The following PDE1C variants were observed in gnomAD, a reference collection of about 807,000 sequenced individuals.
The protein encoded by PDE1C is dual specificity calcium/calmodulin-dependent 3',5'-cyclic nucleotide phosphodiesterase 1C.
In PDE1C, 62 loss-of-function variants were observed where a neutral mutation model predicts 93.1. That is an observed-to-expected ratio of 0.67 (90% CI 0.54 to 0.82). PDE1C has a LOEUF of 0.82. PDE1C is among the 40% of genes least tolerant of loss of function. The probability of loss-of-function intolerance (pLI) is 0.00; values close to 1 mark genes in which losing one functional copy is unlikely to be tolerated. For missense variants in PDE1C, 742 were observed against 884.6 expected, an observed-to-expected ratio of 0.84 and a Z score of 2.04; for synonymous variants, 325 against 310.1, an observed-to-expected ratio of 1.05 and a Z score of -0.50.
intron 1 of PDE1C, among the ~76,000 whole-genome samples, chr7:32,426,534 G>A (rs1785538662): frequency 6.6e-6 from 1 of 151,910 alleles, no homozygotes; most frequent in African/African-American, 2.4e-5. Flanking sequence ...CAAAGGGCTG[G>A]GATCACTGCA....
At chr7:31,727,175 A>C in the PDE1C span, among the ~76,000 whole-genome samples, 3 of 152,176 alleles carry the variant, frequency 2.0e-5, no homozygotes, top group African/African-American at 7.2e-5. Context: ...AAATTCTGTA[A>C]GTCCTTTCTA....
the PDE1C span, among the ~76,000 whole-genome samples, chr7:31,624,056 C>A: frequency 2.9e-4 from 43 of 149,102 alleles, no homozygotes; most frequent in Admixed American, 8.7e-4. Flanking sequence ...TAGGAATCCA[C>A]CTTACAAGGG....
chr7:32,021,286 C>G (rs1326319392), intron 2 of PDE1C, among the ~76,000 whole-genome samples: 1 of 152,128 alleles, frequency 6.6e-6, no homozygotes, highest in East Asian at 1.9e-4. Context: ...CTCTTGCAGA[C>G]TCTACATTTA....
rs76392977 is a variant in PDE1C, at chr7:32,143,919, C to T, written c.308+25866G>A. ...AAGTGCAATGATGTGTGTGACCCCA[C>T]GCTACAAGAGCACGCATTCTGCCCA... On this transcript the variant is annotated intron_variant, in intron 3 of 18. Transcript: ENST00000396193. Among the ~76,000 whole-genome samples the T allele has an allele frequency of 5.2e-3, 791 of 152,140 alleles. 6 individuals carry two copies. The highest frequency in any genetic ancestry group is 0.017 in the African/African-American group (710 of 41,528).
At chr7:32,130,266 A>C (rs1584818918) in intron 3 of PDE1C, among the ~76,000 whole-genome samples, 1 of 152,326 alleles carries the variant, frequency 6.6e-6, no homozygotes, top group Non-Finnish European at 1.5e-5. Flanking sequence ...AAAATGCCAC[A>C]GAGTTTTTTC....
At chr7:32,076,832 CCAATTTTTTTTAACTTAAA>C (rs1486831891) in intron 3 of PDE1C, among the ~76,000 whole-genome samples, 2 of 151,712 alleles carry the variant, frequency 1.3e-5, no homozygotes, top group African/African-American at 4.8e-5. Context: ...ATGTACCCCA[CCAATTTTTTTTAACTTAAA>C]CTAGTTTGAG....
chr7:32,330,001 C>T (rs796500721), intron 1 of PDE1C, among the ~76,000 whole-genome samples: 10 of 152,360 alleles, frequency 6.6e-5, no homozygotes, highest in African/African-American at 2.2e-4. Context: ...AGCAACTCAG[C>T]AGACGTTGCC....
intron 16 of PDE1C, among the ~76,000 whole-genome samples, chr7:31,792,752 A>T (rs1221685227): frequency 6.6e-6 from 1 of 152,108 alleles, no homozygotes; most frequent in Non-Finnish European, 1.5e-5. Context: ...CATCAGCAAG[A>T]CTACAAAGTA....
At chr7:31,828,007 C>A (rs1197852783) in intron 12 of PDE1C, among the ~76,000 whole-genome samples, 1 of 152,070 alleles carries the variant, frequency 6.6e-6, no homozygotes, top group Non-Finnish European at 1.5e-5. Flanking sequence ...GGGCTTCCTG[C>A]CAATGACACT....
intron 2 of PDE1C, among the ~76,000 whole-genome samples, chr7:31,924,859 C>T (rs937531178): frequency 1.3e-5 from 2 of 152,224 alleles, no homozygotes; most frequent in Non-Finnish European, 2.9e-5. Context: ...GCTTTCAATG[C>T]TGCTTCATTT....
chr7:32,063,963 C>A (rs1269192696), intron 1 of PDE1C, among the ~76,000 whole-genome samples: 1 of 152,180 alleles, frequency 6.6e-6, no homozygotes, highest in Non-Finnish European at 1.5e-5. Context: ...AAGCTCCTAG[C>A]ACCTAGTACA....
chr7:32,257,078 A>G (rs1809854143), intron 1 of PDE1C, among the ~76,000 whole-genome samples: 1 of 152,210 alleles, frequency 6.6e-6, no homozygotes, highest in Non-Finnish European at 1.5e-5. Context: ...TCAGACACAC[A>G]GTTTCTGACC....
chr7:31,966,142 C>T (rs770600929), intron 2 of PDE1C, among the ~76,000 whole-genome samples: 5 of 152,048 alleles, frequency 3.3e-5, no homozygotes, highest in Non-Finnish European at 5.9e-5. Flanking sequence ...CTAAATATTC[C>T]AATTAAAAGG....
intron 1 of PDE1C, among the ~76,000 whole-genome samples, chr7:32,309,796 T>C (rs1209042867): frequency 6.6e-6 from 1 of 152,122 alleles, no homozygotes; most frequent in Non-Finnish European, 1.5e-5. Flanking sequence ...TGAAAAAACA[T>C]GCCAAAATGT....
intron 3 of PDE1C, among the ~76,000 whole-genome samples, chr7:32,103,555 C>T (rs1482911975): frequency 6.6e-6 from 1 of 152,096 alleles, no homozygotes; most frequent in Non-Finnish European, 1.5e-5. Context: ...CATGATTCTC[C>T]AAAAAGAGAC....
chr7:32,164,032 A>G (rs1802073712), intron 3 of PDE1C, among the ~76,000 whole-genome samples: 1 of 152,208 alleles, frequency 6.6e-6, no homozygotes, highest in South Asian at 2.1e-4. Flanking sequence ...CAAATCATGT[A>G]GTTTAAAAGA....
At chr7:32,074,041 T>C (rs1279035203), upstream of PDE1C, among the ~76,000 whole-genome samples, 1 of 152,210 alleles carries the variant, frequency 6.6e-6, no homozygotes, top group Non-Finnish European at 1.5e-5. Context: ...TATACATTCA[T>C]GTATGCATGC....
At chr7:32,030,907 G>A (rs1322853542) in intron 2 of PDE1C, among the ~76,000 whole-genome samples, 1 of 151,892 alleles carries the variant, frequency 6.6e-6, no homozygotes, top group African/African-American at 2.4e-5. Flanking sequence ...TGACCAAGTG[G>A]TCTAAGTTTC....
At chr7:32,173,123 C>T (rs780937011) in intron 2 of PDE1C, among the ~76,000 whole-genome samples, 17 of 152,066 alleles carry the variant, frequency 1.1e-4, no homozygotes, top group East Asian at 1.9e-4. Flanking sequence ...TGCCCATCAC[C>T]GATAGACTGG....
Sources: gnomAD v4.1 joint callset for allele counts (sites outside exome capture counted in the v4.1 genomes callset) on GRCh38, gnomAD v4.1.1 for gene constraint, MANE v1.5 for transcripts, NCBI Gene and HGNC (gene_info 2026-07-23, HGNC 2026-07-21) for gene names.